The following MAP2K1 variants were observed in gnomAD, a reference collection of about 807,000 sequenced individuals.
MAP2K1 encodes the protein dual specificity mitogen-activated protein kinase kinase 1.
In MAP2K1, 16 loss-of-function variants were observed where a neutral mutation model predicts 46.3. That is an observed-to-expected ratio of 0.35 (90% CI 0.23 to 0.52). The LOEUF (loss-of-function observed/expected upper bound fraction) is 0.52. Among genes scored for constraint, MAP2K1 ranks in the 20% least tolerant of loss-of-function variants. The pLI is 0.94. For missense variants in MAP2K1, 263 were observed against 497.1 expected (o/e 0.53, Z 4.48); for synonymous variants, 183 against 185.6 (o/e 0.99, Z 0.11).
At chr15:66,425,215 G>C (rs1167714435) in intron 1 of MAP2K1, among the ~76,000 whole-genome samples, 2 of 152,150 alleles carry the variant, frequency 1.3e-5, no homozygotes, top group Non-Finnish European at 2.9e-5. Flanking sequence ...GGCAGGTCTT[G>C]GGCAGGAGAA....
intron 5 of MAP2K1, among the ~76,000 whole-genome samples, chr15:66,448,421 A>C (rs774978693): frequency 6.6e-6 from 1 of 152,178 alleles, no homozygotes; most frequent in African/African-American, 2.4e-5. Flanking sequence ...GAAACACTGC[A>C]TTGGGGGTAG....
At chr15:66,399,939 ATG>A (rs2093377474) in intron 1 of MAP2K1, among the ~76,000 whole-genome samples, 1 of 151,970 alleles carries the variant, frequency 6.6e-6, no homozygotes, top group Admixed American at 6.6e-5. Flanking sequence ...CAGGGGGTAT[ATG>A]TGCAGGTTTG....
At position 66,455,884 on chromosome 15, in the gene MAP2K1, C is replaced by T. The variant is rs777404847; in HGVS notation, c.568+11177C>T. The stretch of plus-strand genomic sequence containing the variant: ...TACAGAACATTGTATTCTATTTCCC[C>T]TGGGTGTTCAAAGGGAGAAACAATC... On this transcript the variant is annotated intron_variant, in intron 5 of 10. Transcript: ENST00000307102. Among the ~76,000 whole-genome samples the T allele has an allele frequency of 3.3e-5, 5 of 152,176 alleles. No homozygotes were observed. In the South Asian group the frequency reaches 8.3e-4, roughly 25 times the overall value.
intron 5 of MAP2K1, among the ~76,000 whole-genome samples, chr15:66,463,674 G>A (rs1892388731): frequency 6.6e-6 from 1 of 152,204 alleles, no homozygotes; most frequent in African/African-American, 2.4e-5. Context: ...AGTAGAAATG[G>A]GGTTTCACCA....
At chr15:66,396,487 C>T (rs1393165307) in intron 1 of MAP2K1, among the ~76,000 whole-genome samples, 3 of 151,824 alleles carry the variant, frequency 2.0e-5, no homozygotes, top group Non-Finnish European at 4.4e-5. Flanking sequence ...TCAGGCTGGT[C>T]TCGAACTCCT....
intron 5 of MAP2K1, among the ~76,000 whole-genome samples, chr15:66,480,674 T>G (rs1054660779): frequency 9.2e-5 from 14 of 152,162 alleles, no homozygotes; most frequent in Non-Finnish European, 5.9e-5. Flanking sequence ...GGTTTGGGTT[T>G]TTTCTGTGAT....
At position 66,485,025 on chromosome 15, in the gene MAP2K1, G is replaced by T. The variant is rs772752167; in HGVS notation, c.729G>T (p.Gln243His). ...TCCAGGGGACTCATTACTCTGTGCA[G>T]TCAGACATCTGGAGCATGGGACTGT... ...ERLQGTHYSV[Q>H]SDIWSMGLSL... Residue 243 changes from glutamine to histidine, a missense_variant, in exon 7 of 11, where the codon CAG (glutamine) becomes CAT (histidine). Transcript: ENST00000307102. The T allele has an allele frequency of 5.6e-6, 9 of 1,613,736 alleles. No homozygotes were observed. Among genetic ancestry groups the T allele is most frequent in the Admixed American group, 5.0e-5 (3 of 60,020 alleles).
chr15:66,416,415 CT>C (rs2093424734), intron 1 of MAP2K1, among the ~76,000 whole-genome samples: 1 of 151,842 alleles, frequency 6.6e-6, no homozygotes, highest in South Asian at 2.1e-4. Flanking sequence ...GGACAGGGAT[CT>C]TGTTGTCTTC....
At chr15:66,390,244 A>T (rs570784284) in intron 1 of MAP2K1, among the ~76,000 whole-genome samples, 1 of 152,308 alleles carries the variant, frequency 6.6e-6, no homozygotes, top group South Asian at 2.1e-4. Flanking sequence ...CCTGTGTTTC[A>T]TAGCACTAAT....
intron 1 of MAP2K1, among the ~76,000 whole-genome samples, chr15:66,400,158 A>T (rs1184159405): frequency 6.6e-6 from 1 of 152,120 alleles, no homozygotes; most frequent in Non-Finnish European, 1.5e-5. Flanking sequence ...TTAAACAAAC[A>T]AACTAGCAAA....
At chr15:66,389,107 A>G (rs568021527) in intron 1 of MAP2K1, among the ~76,000 whole-genome samples, 93 of 151,486 alleles carry the variant, frequency 6.1e-4, no homozygotes, top group Non-Finnish European at 1.2e-3. Context: ...GGTTTCTCCA[A>G]GTTGTTCAGG....
intron 1 of MAP2K1, among the ~76,000 whole-genome samples, chr15:66,420,813 A>G (rs1475892294): frequency 1.9e-5 from 2 of 106,342 alleles, no homozygotes; most frequent in African/African-American, 3.2e-5. Context: ...GTGTATATAT[A>G]TGTGTATATA....
At chr15:66,399,251 T>C (rs1438472359) in intron 1 of MAP2K1, among the ~76,000 whole-genome samples, 1 of 152,228 alleles carries the variant, frequency 6.6e-6, no homozygotes, top group Non-Finnish European at 1.5e-5. Flanking sequence ...GAGTTTTACT[T>C]TTATTCTTTC....
chr15:66,410,765 T>C (rs1024397218), intron 1 of MAP2K1, among the ~76,000 whole-genome samples: 3 of 152,152 alleles, frequency 2.0e-5, no homozygotes, highest in African/African-American at 7.2e-5. Flanking sequence ...AAGGGGAAAC[T>C]TTTGGGAGGG....
intron 3 of MAP2K1, among the ~76,000 whole-genome samples, chr15:66,443,045 C>T (rs1206901364): frequency 6.7e-6 from 1 of 149,452 alleles, no homozygotes; most frequent in East Asian, 2.0e-4. Context: ...TCCTGAAGTT[C>T]TCTGAACGCA....
intron 5 of MAP2K1, among the ~76,000 whole-genome samples, chr15:66,457,198 A>G (rs1357726200): frequency 6.6e-6 from 1 of 152,250 alleles, no homozygotes; most frequent in African/African-American, 2.4e-5. Context: ...GGCTCACTGC[A>G]ACCTCTGCCT....
intron 6 of MAP2K1, among the ~76,000 whole-genome samples, chr15:66,484,370 A>G (rs2140672413): frequency 6.7e-6 from 1 of 150,006 alleles, no homozygotes; most frequent in Non-Finnish European, 1.5e-5. Context: ...CTGGTCTCGA[A>G]CTCCTGATCT....
intron 1 of MAP2K1, among the ~76,000 whole-genome samples, chr15:66,420,660 CTTATTTTT>C (rs2093435737): frequency 7.4e-6 from 1 of 135,498 alleles, no homozygotes; most frequent in African/African-American, 2.8e-5. Context: ...CTTTCATTTT[CTTATTTTT>C]TTATTTTAAG....
intron 5 of MAP2K1, among the ~76,000 whole-genome samples, chr15:66,474,646 A>G (rs1367157142): frequency 6.6e-6 from 1 of 152,100 alleles, no homozygotes; most frequent in Non-Finnish European, 1.5e-5. Context: ...TAGATCCTGG[A>G]GAGAACGCTC....
Sources: gnomAD v4.1 joint callset for allele counts (sites outside exome capture counted in the v4.1 genomes callset) on GRCh38, gnomAD v4.1.1 for gene constraint, MANE v1.5 for transcripts, NCBI Gene and HGNC (gene_info 2026-07-23, HGNC 2026-07-21) for gene names.